The following C12orf42 variants were observed in gnomAD, a reference collection of about 807,000 sequenced individuals.
The protein encoded by C12orf42 is uncharacterized protein C12orf42.
In C12orf42, 25 loss-of-function variants were observed where a neutral mutation model predicts 21.6. That is an observed-to-expected ratio of 1.16 (90% CI 0.84 to 1.62). C12orf42 has a LOEUF of 1.62. Ranked by LOEUF, C12orf42 falls within the 40% of genes most tolerant of loss-of-function variation. The probability of loss-of-function intolerance (pLI) is 0.00; values close to 1 mark genes in which losing one functional copy is unlikely to be tolerated. For synonymous variants in C12orf42, 174 were observed against 175.0 expected, an observed-to-expected ratio of 0.99 and a Z score of 0.05; for missense variants, 483 against 459.3, an observed-to-expected ratio of 1.05 and a Z score of -0.47.
At chr12:103,224,402 G>A in the C12orf42 span, among the ~76,000 whole-genome samples, 74 of 152,330 alleles carry the variant, frequency 4.9e-4, no homozygotes, top group African/African-American at 1.7e-3. Context: ...CTTTGCTGGT[G>A]TGTGGCGATT....
chr12:103,155,468 T>G, the C12orf42 span, among the ~76,000 whole-genome samples: 1 of 152,174 alleles, frequency 6.6e-6, no homozygotes, highest in Admixed American at 6.5e-5. Flanking sequence ...GGTGAGCTGA[T>G]TCTATGAGCA....
chr12:103,121,661 C>G, the C12orf42 span, among the ~76,000 whole-genome samples: 2 of 152,222 alleles, frequency 1.3e-5, no homozygotes, highest in Non-Finnish European at 2.9e-5. Context: ...ATCCTCCACT[C>G]ATTCACTTTC....
intron 4 of C12orf42, among the ~76,000 whole-genome samples, chr12:103,326,157 A>C (rs2040676630): frequency 6.6e-6 from 1 of 152,212 alleles, no homozygotes; most frequent in South Asian, 2.1e-4. Context: ...ATCTTGGCTA[A>C]TGTCTTACTA....
At chr12:103,163,101 T>C in the C12orf42 span, among the ~76,000 whole-genome samples, 1 of 152,234 alleles carries the variant, frequency 6.6e-6, no homozygotes, top group Non-Finnish European at 1.5e-5. Context: ...AGTTCACTTT[T>C]TACTCACATC....
the C12orf42 span, among the ~76,000 whole-genome samples, chr12:103,067,519 C>T: frequency 1.3e-5 from 2 of 152,150 alleles, no homozygotes; most frequent in African/African-American, 2.4e-5. Context: ...TCTTAATCAG[C>T]GTCCAATATA....
chr12:103,219,564 G>GA, the C12orf42 span, among the ~76,000 whole-genome samples: 2 of 151,918 alleles, frequency 1.3e-5, no homozygotes, highest in Non-Finnish European at 2.9e-5. Context: ...AAATTTACAA[G>GA]AAAAAAACAA....
chr12:103,290,467 G>C (rs2036729247), intron 4 of C12orf42, among the ~76,000 whole-genome samples: 1 of 152,160 alleles, frequency 6.6e-6, no homozygotes, highest in African/African-American at 2.4e-5. Flanking sequence ...CAATTGTTGG[G>C]CCTATGCAAG....
At chr12:103,341,185 A>T (rs1310717411) in intron 4 of C12orf42, among the ~76,000 whole-genome samples, 1 of 151,634 alleles carries the variant, frequency 6.6e-6, no homozygotes, top group Non-Finnish European at 1.5e-5. Flanking sequence ...GAAAAAAATA[A>T]TTTTAAAAAA....
chr12:103,407,249 T>A (rs1437810797), intron 2 of C12orf42, among the ~76,000 whole-genome samples: 1 of 152,020 alleles, frequency 6.6e-6, no homozygotes, highest in Admixed American at 6.5e-5. Flanking sequence ...GGCATTGCAT[T>A]TTTACATAAT....
intron 3 of C12orf42, among the ~76,000 whole-genome samples, chr12:103,382,982 A>T (rs11615621): frequency 0.072 from 11,004 of 152,238 alleles, 656 homozygotes; most frequent in African/African-American, 0.16. Context: ...TGCTCTTCAA[A>T]GACCAGTCAA....
At chr12:103,089,756 C>T in the C12orf42 span, among the ~76,000 whole-genome samples, 1 of 152,030 alleles carries the variant, frequency 6.6e-6, no homozygotes, top group African/African-American at 2.4e-5. Flanking sequence ...GGTCAGGAAA[C>T]TTCAACTCTC....
At chr12:103,219,118 T>A in the C12orf42 span, among the ~76,000 whole-genome samples, 1 of 152,180 alleles carries the variant, frequency 6.6e-6, no homozygotes, top group Non-Finnish European at 1.5e-5. Context: ...GTGGTCTAGG[T>A]CAGTGGATCC....
chr12:103,294,360 A>AAAAAAAGAAAGAG (rs2037009023), intron 4 of C12orf42, among the ~76,000 whole-genome samples: 1 of 148,532 alleles, frequency 6.7e-6, no homozygotes, highest in African/African-American at 2.6e-5. Flanking sequence ...ATGGCAGAAA[A>AAAAAAAGAAAGAG]AAAAAAGAAA....
the C12orf42 span, among the ~76,000 whole-genome samples, chr12:103,156,606 G>C: frequency 1.3e-5 from 2 of 152,000 alleles, no homozygotes; most frequent in African/African-American, 4.8e-5. Context: ...CTATTGACCT[G>C]TCCTCTAAGT....
the C12orf42 span, among the ~76,000 whole-genome samples, chr12:103,517,876 AT>A: frequency 6.6e-6 from 1 of 152,156 alleles, no homozygotes; most frequent in Non-Finnish European, 1.5e-5. Context: ...CCCACAGAAA[AT>A]AAAAAATTTT....
intron 2 of C12orf42, among the ~76,000 whole-genome samples, chr12:103,429,643 A>G (rs1332941037): frequency 6.6e-6 from 1 of 152,220 alleles, no homozygotes; most frequent in Non-Finnish European, 1.5e-5. Context: ...TGGAACCAAA[A>G]AAGAGTCCAT....
At chr12:103,285,052 T>C (rs1301573410) in intron 4 of C12orf42, among the ~76,000 whole-genome samples, 1 of 152,148 alleles carries the variant, frequency 6.6e-6, no homozygotes, top group Non-Finnish European at 1.5e-5. Flanking sequence ...AACAAAGCCC[T>C]GGCTTCTGGC....
chr12:103,494,171 C>A (rs1478155850), intron 1 of C12orf42, among the ~76,000 whole-genome samples: 2 of 152,192 alleles, frequency 1.3e-5, no homozygotes, highest in African/African-American at 4.8e-5. Flanking sequence ...TAGCCTGGCC[C>A]TCTCGCCTCC....
chr12:103,189,188 A>G, the C12orf42 span, among the ~76,000 whole-genome samples: 4 of 152,238 alleles, frequency 2.6e-5, no homozygotes, highest in Non-Finnish European at 5.9e-5. Flanking sequence ...CAGGTAGACC[A>G]CTGATTTGGG....
Sources: allele counts gnomAD v4.1 joint callset (sites outside exome capture counted in the v4.1 genomes callset), GRCh38; gene constraint gnomAD v4.1.1; transcripts MANE v1.5; gene names NCBI Gene and HGNC (gene_info 2026-07-23, HGNC 2026-07-21).